CCND3: variants seen among roughly 807,000 people sequenced by gnomAD.
CCND3 encodes the protein cyclin D3.
A neutral mutation model predicts 28.7 loss-of-function variants in CCND3; 9 were observed. The ratio of observed to expected loss-of-function variants is 0.31; its 90% CI spans 0.19 to 0.55. CCND3 has a LOEUF of 0.55. Among genes scored for constraint, CCND3 ranks in the 20% least tolerant of loss-of-function variants. The pLI, the probability that CCND3 is intolerant of heterozygous loss-of-function variation, is 0.93. For synonymous variants in CCND3, 164 were observed against 163.9 expected (o/e 1.00, Z 0.00); for missense variants, 315 against 385.8 (o/e 0.82, Z 1.54).
At chr6:42,025,576 G>A (rs1763851186) in intron 1 of CCND3, among the ~76,000 whole-genome samples, 1 of 152,198 alleles carries the variant, frequency 6.6e-6, no homozygotes, top group Non-Finnish European at 1.5e-5. Flanking sequence ...TGAGAGGGAA[G>A]TGAAACCGCA....
At chr6:42,016,710 G>A (rs1376655738) in intron 1 of CCND3, among the ~76,000 whole-genome samples, 5 of 149,720 alleles carry the variant, frequency 3.3e-5, no homozygotes, top group Admixed American at 6.8e-5. Context: ...TCAGCCTCCC[G>A]AGTAGCTGGG....
intron 1 of CCND3, among the ~76,000 whole-genome samples, chr6:41,999,490 C>A (rs147801269): frequency 0.011 from 1,726 of 152,238 alleles, 34 homozygotes; most frequent in African/African-American, 0.037. Flanking sequence ...AGGCATGAGC[C>A]ACCGTGCCTG....
At chr6:41,992,638 G>T (rs979126967) in intron 1 of CCND3, among the ~76,000 whole-genome samples, 2 of 151,660 alleles carry the variant, frequency 1.3e-5, no homozygotes, top group African/African-American at 4.8e-5. Flanking sequence ...TAGTACAGAC[G>T]GGGTTTCACC....
At chr6:42,016,377 T>C (rs1184419603) in intron 1 of CCND3, among the ~76,000 whole-genome samples, 1 of 152,156 alleles carries the variant, frequency 6.6e-6, no homozygotes, top group Non-Finnish European at 1.5e-5. Flanking sequence ...ATGAGGAAAT[T>C]GAGATTCAGA....
chr6:42,002,451 A>AC (rs1431286959), intron 1 of CCND3, among the ~76,000 whole-genome samples: 7 of 151,738 alleles, frequency 4.6e-5, no homozygotes, highest in Non-Finnish European at 7.4e-5. Flanking sequence ...AAAAAAAAAA[A>AC]AACTATGTAT....
intron 1 of CCND3, among the ~76,000 whole-genome samples, chr6:41,982,273 CAA>C (rs57911007): frequency 0.98 from 132,233 of 135,180 alleles, 64,660 homozygotes; most frequent in Middle Eastern, 1. Context: ...GACTCCATCT[CAA>C]AAAAAAAAAA....
chr6:41,994,421 A>G (rs1762738008), intron 1 of CCND3, among the ~76,000 whole-genome samples: 1 of 152,150 alleles, frequency 6.6e-6, no homozygotes, highest in South Asian at 2.1e-4. Flanking sequence ...GGAAAAGGCC[A>G]AACTATGGAG....
intron 1 of CCND3, among the ~76,000 whole-genome samples, chr6:41,997,796 T>C (rs2127419401): frequency 6.6e-6 from 1 of 151,958 alleles, no homozygotes; most frequent in Middle Eastern, 3.4e-3. Flanking sequence ...CATGGGGATG[T>C]AGAGATTAAA....
chr6:41,958,855 T>C (rs546614262), intron 1 of CCND3, among the ~76,000 whole-genome samples: 53 of 152,328 alleles, frequency 3.5e-4, no homozygotes, highest in African/African-American at 1.1e-3. Flanking sequence ...AACTAGAACA[T>C]TCACACACTG....
chr6:41,972,240 A>AAAGAAAAG (rs1554162051), intron 1 of CCND3, among the ~76,000 whole-genome samples: 6,845 of 99,794 alleles, frequency 0.069, 377 homozygotes, highest in African/African-American at 0.16. Context: ...AAAAAAAAAA[A>AAAGAAAAG]AAAAGAAAAG....
chr6:42,019,643 A>T (rs1051979221), intron 1 of CCND3, among the ~76,000 whole-genome samples: 1 of 152,182 alleles, frequency 6.6e-6, no homozygotes, highest in Non-Finnish European at 1.5e-5. Flanking sequence ...CACAGAAAAA[A>T]AGGTTCAGAA....
At chr6:41,974,346 T>C (rs554457599) in intron 1 of CCND3, among the ~76,000 whole-genome samples, 191 of 152,300 alleles carry the variant, frequency 1.3e-3, no homozygotes, top group African/African-American at 4.4e-3. Flanking sequence ...ACACCTGTGC[T>C]ACACCAGATG....
intron 1 of CCND3, among the ~76,000 whole-genome samples, chr6:41,995,796 G>A (rs1197381469): frequency 1.3e-5 from 2 of 151,944 alleles, no homozygotes; most frequent in Non-Finnish European, 2.9e-5. Flanking sequence ...GCTCACGCCT[G>A]CAATCCTAAC....
intron 1 of CCND3, among the ~76,000 whole-genome samples, chr6:41,983,114 A>G (rs1396316718): frequency 6.6e-6 from 1 of 152,164 alleles, no homozygotes; most frequent in East Asian, 1.9e-4. Flanking sequence ...GCAGTGGCTT[A>G]CCCCAGTAAT....
At chr6:42,020,281 C>CA (rs1320229706) in intron 1 of CCND3, among the ~76,000 whole-genome samples, 27 of 149,652 alleles carry the variant, frequency 1.8e-4, no homozygotes, top group African/African-American at 5.4e-4. Flanking sequence ...GACTCTGTCT[C>CA]AAAAAAAAAG....
In CCND3 at chr6:41,941,013, G is replaced by A. The variant is rs1397287330; in HGVS notation, c.199-428C>T. ...TGCACTTTTCATTTCCCTGTCGGCC[G>A]GAACAGGGCGCGCGCCACCCCCATC... On this transcript the variant is annotated intron_variant, in intron 1 of 4. Transcript: ENST00000372991. The surrounding 1 kb of genome is among the most constrained non-coding windows in gnomAD (Gnocchi z 6.1). The A allele has an allele frequency of 2.5e-6, 4 of 1,611,356 alleles. No homozygotes were observed. The highest frequency in any genetic ancestry group is 3.3e-5 in the Admixed American group (2 of 59,874).
chr6:42,030,295 T>C (rs1046452269), intron 1 of CCND3: 5 of 152,198 alleles, frequency 3.3e-5, no homozygotes, highest in African/African-American at 1.2e-4. Context: ...TTCTCTTAAA[T>C]TTTAAATCCC....
At chr6:42,049,260 C>T (rs1764653250), upstream of CCND3, among the ~76,000 whole-genome samples, 1 of 152,194 alleles carries the variant, frequency 6.6e-6, no homozygotes, top group Non-Finnish European at 1.5e-5. Flanking sequence ...TGGTCTCGAA[C>T]TCCTGACCTG....
At chr6:42,021,092 T>C (rs570330556) in intron 1 of CCND3, among the ~76,000 whole-genome samples, 1 of 152,286 alleles carries the variant, frequency 6.6e-6, no homozygotes, top group South Asian at 2.1e-4. Flanking sequence ...CATCGTGCAG[T>C]ACAAAAAGAT....
Sources: gnomAD v4.1 joint callset for allele counts (sites outside exome capture counted in the v4.1 genomes callset) on GRCh38, gnomAD v4.1.1 for gene constraint, Gnocchi (gnomAD v3.1) non-coding constraint, MANE v1.5 for transcripts, NCBI Gene and HGNC (gene_info 2026-07-23, HGNC 2026-07-21) for gene names.